Variants in DDX39B observed in about 807,000 individuals in gnomAD.
The protein encoded by DDX39B is spliceosome RNA helicase DDX39B.
Under a neutral mutation model 46.4 loss-of-function variants are expected in DDX39B, and 6 were observed. That is an observed-to-expected ratio of 0.13 (90% CI 0.07 to 0.26). The LOEUF (loss-of-function observed/expected upper bound fraction) is 0.26. DDX39B is among the 10% of genes least tolerant of loss of function. DDX39B has a pLI of 1.00. For synonymous variants in DDX39B, 174 were observed against 199.4 expected, an observed-to-expected ratio of 0.87 and a Z score of 1.07; for missense variants, 185 against 553.4, an observed-to-expected ratio of 0.33 and a Z score of 6.68.
chr6:31,540,235 T>C, intron 2 of DDX39B, 87 bp downstream of exon 2: 1 of 1,433,822 alleles, frequency 7.0e-7, no homozygotes, highest in Non-Finnish European at 9.7e-7. Context: ...TATAAACCCT[T>C]ACCACCACCT....
intron 4 of DDX39B, among the ~76,000 whole-genome samples, chr6:31,537,202 G>C (rs1213632371): frequency 6.6e-6 from 1 of 152,158 alleles, no homozygotes; most frequent in Non-Finnish European, 1.5e-5. Context: ...AAGGAAAGTG[G>C]ATCACTTGAA....
At chr6:31,540,958 T>C (rs184330087) in intron 1 of DDX39B, 227 of 416,230 alleles carry the variant, frequency 5.5e-4, no homozygotes, top group African/African-American at 3.6e-3. Flanking sequence ...AGTGAGGAAA[T>C]AGAATAGATA....
At position 31,530,761 on chromosome 6, in the gene DDX39B, C is replaced by G; in HGVS notation, c.1270+18G>C. On this transcript the variant is annotated intron_variant, in intron 10 of 10. Transcript: ENST00000396172. The surrounding 1 kb of genome is among the most constrained non-coding windows in gnomAD (Gnocchi z 4.5). ...GGAACAGGGAGGACCTAAAGGGTTT[C>G]ATGAGATCAGTACTCACTGTAGGAG... is the stretch of plus-strand genomic sequence containing the variant. 1.2e-6 allele frequency: 2 copies of G among 1,609,042 alleles called. No homozygotes were observed. The highest frequency in any genetic ancestry group is 1.7e-6 in the Non-Finnish European group (2 of 1,179,026).
In DDX39B at chr6:31,534,430, C is replaced by A. The variant is rs1767540612; in HGVS notation, c.735+937G>T. 1 of 468,036 alleles carries A rather than the reference C, an allele frequency of 2.1e-6. No homozygotes were observed. Among genetic ancestry groups the A allele is most frequent in the African/African-American group, 2.0e-5 (1 of 49,826 alleles). The allele number at this position is 468,036 out of a possible 1,614,324, so 29.0% of individuals were successfully genotyped here. A position where few individuals can be genotyped will look rare whatever the true frequency, so the allele number is the denominator to read the frequency against. On this transcript the variant is annotated intron_variant, in intron 6 of 10. Transcript: ENST00000396172. This position sits in a 1 kb window ranked among gnomAD's most constrained non-coding sequence, Gnocchi z 5.1. ...GGAAGAACACACTCCACTGCTTATGCAATTGGCCCCACCTAGCCCCAAACC... is the reference window on the plus strand; with the variant it reads ...GGAAGAACACACTCCACTGCTTATGAAATTGGCCCCACCTAGCCCCAAACC...
At position 31,540,611 on chromosome 6, in the gene DDX39B, T is replaced by C. The variant is rs1418318244; in HGVS notation, c.-79A>G. On this transcript the variant is annotated 5_prime_UTR_variant, in exon 2 of 11. Coordinates refer to ENST00000396172, the MANE Select transcript of DDX39B (RefSeq NM_004640.7). Reference sequence around the variant, plus strand: ...ATAGGTGAAAACAAGGGGTGAAGAGTAGGGGATTGAGGAACAGCAAAGGAA... The same window carrying C: ...ATAGGTGAAAACAAGGGGTGAAGAGCAGGGGATTGAGGAACAGCAAAGGAA... 112 of 1,362,984 alleles carry C rather than the reference T, an allele frequency of 8.2e-5. No individual in the cohort carries two copies. Among genetic ancestry groups the C allele is most frequent in the Non-Finnish European group, 1.1e-4 (111 of 966,802 alleles). 84.4% of individuals were successfully genotyped at this position (1,362,984 alleles called of 1,614,324 possible). A position where few individuals can be genotyped will look rare whatever the true frequency, so the allele number is the denominator to read the frequency against.
At chr6:31,539,300 A>T in intron 2 of DDX39B, 26 bp from the exon 3 acceptor site, 1 of 1,605,312 alleles carries the variant, frequency 6.2e-7, no homozygotes, top group South Asian at 1.1e-5. Context: ...GGAGGAAGAT[A>T]AATTAGACTT....
In DDX39B at chr6:31,535,997, C is replaced by A. The variant is rs953857798; in HGVS notation, c.616+503G>T. Among the ~76,000 whole-genome samples, 2 of 152,184 alleles carry A rather than the reference C, an allele frequency of 1.3e-5. No homozygotes were observed. The highest frequency in any genetic ancestry group is 1.3e-4 in the Admixed American group (2 of 15,276). On this transcript the variant is annotated intron_variant, in intron 5 of 10. Coordinates refer to ENST00000396172, the MANE Select transcript of DDX39B (RefSeq NM_004640.7). The surrounding 1 kb of genome is among the most constrained non-coding windows in gnomAD (Gnocchi z 4.6). The stretch of plus-strand genomic sequence containing the variant: ...TATGTCCAACCCCACTCTCATTCAC[C>A]AAGATTCAATTCTTACAGAAAAATC...
intron 4 of DDX39B, among the ~76,000 whole-genome samples, chr6:31,536,893 G>A (rs1040749101): frequency 6.6e-6 from 1 of 152,186 alleles, no homozygotes; most frequent in African/African-American, 2.4e-5. Context: ...GGAGCAGTCA[G>A]GACAATAATT....
intron 1 of DDX39B, 94 bp from the exon 2 acceptor site, chr6:31,540,758 A>G (rs1261541461): frequency 1.0e-5 from 6 of 579,292 alleles, no homozygotes; most frequent in Non-Finnish European, 1.5e-5. Flanking sequence ...CTAAACCAGG[A>G]AACTTTTACC....
chr6:31,537,756 C>A (rs1767945009), intron 4 of DDX39B, among the ~76,000 whole-genome samples: 1 of 152,094 alleles, frequency 6.6e-6, no homozygotes, highest in Admixed American at 6.6e-5. Flanking sequence ...ATTAATGAGG[C>A]CAGGTGCAGT....
At position 31,535,841 on chromosome 6, in the gene DDX39B, C is replaced by G. The variant is rs1767720001; in HGVS notation, c.617-356G>C. On this transcript the variant is annotated intron_variant, in intron 5 of 10. Coordinates refer to ENST00000396172, the MANE Select transcript of DDX39B (RefSeq NM_004640.7). This position sits in a 1 kb window ranked among gnomAD's most constrained non-coding sequence, Gnocchi z 4.6. ...CAAGCACATATTATATTCCAGATAT[C>G]AGAGTCCATCTATGACTCTCTGGAT... 6.6e-6 allele frequency among the ~76,000 whole-genome samples: 1 copy of G among 152,154 alleles called. No homozygotes were observed. The highest frequency in any genetic ancestry group is 1.5e-5 in the Non-Finnish European group (1 of 68,026).
At chr6:31,533,006 T>TG (rs1235196205) in intron 6 of DDX39B, 95 bp from the exon 7 acceptor site, 1 of 456,452 alleles carries the variant, frequency 2.2e-6, no homozygotes, top group South Asian at 1.7e-5. Context: ...ATACACCCCA[T>TG]GGGGGGATGG....
Position 31,540,672 on chromosome 6 carries a change from G to T in DDX39B, c.-132-8C>A. On this transcript the variant is annotated splice_region_variant and splice_polypyrimidine_tract_variant and intron_variant, in intron 1 of 10. Coordinates refer to ENST00000396172, the MANE Select transcript of DDX39B (RefSeq NM_004640.7). ...CTATTTCTAACAGAAGAGCTGGAGG[G>T]GGGAAAAAAAAAAGCAAGACTTAAT... 1.5e-6 allele frequency: 1 copy of T among 679,446 alleles called. No homozygotes were observed. Among genetic ancestry groups the T allele is most frequent in the Non-Finnish European group, 2.3e-6 (1 of 441,336 alleles). 42.1% of individuals were successfully genotyped at this position (679,446 alleles called of 1,614,324 possible).
Position 31,532,908 on chromosome 6 carries a change from T to C in DDX39B, c.739A>G (p.Met247Val). The C allele has an allele frequency of 1.8e-6, 2 of 1,092,354 alleles. No homozygotes were observed. Among genetic ancestry groups the C allele is most frequent in the Non-Finnish European group, 2.5e-6 (2 of 798,104 alleles). The allele number at this position is 1,092,354 out of a possible 1,614,324, so 67.7% of individuals were successfully genotyped here. The stretch of plus-strand genomic sequence containing the variant: ...GTCTCATCATCCACGAAGATCTCCA[T>C]TGGCTGGGGGGGAGGAAGGGGGTGG... ...PVCRKFMQDP[M>V]EIFVDDETKL... The change falls in exon 7 of 11, where the codon ATG (methionine) becomes GTG (valine). Residue 247 changes from methionine to valine, a missense_variant. By Grantham distance (21) the Met-to-Val change is conservative. Transcript: ENST00000396172.
chr6:31,531,984 CTTTT>C lies in DDX39B; in HGVS notation c.868-583_868-580del, dbSNP rs967874164. ...AGGTGCACACCACCACGCCCAGCTA[CTTTT>C]TTTATTTTTTATTTTTACTATTTGT... On this transcript the variant is annotated intron_variant, in intron 7 of 10. Coordinates refer to ENST00000396172, the MANE Select transcript of DDX39B (RefSeq NM_004640.7). The surrounding 1 kb of genome is among the most constrained non-coding windows in gnomAD (Gnocchi z 5.8). Among the ~76,000 whole-genome samples the C allele has an allele frequency of 2.5e-4, 38 of 152,022 alleles. No homozygotes were observed. Among genetic ancestry groups the C allele is most frequent in the African/African-American group, 7.5e-4 (31 of 41,456 alleles).
chr6:31,537,139 A>G (rs2150338767), intron 4 of DDX39B, among the ~76,000 whole-genome samples: 1 of 152,150 alleles, frequency 6.6e-6, no homozygotes, highest in Middle Eastern at 3.4e-3. Flanking sequence ...ATAAAAATAA[A>G]ATAAAGCCAG....
At chr6:31,533,021 G>C (rs773100050) in intron 6 of DDX39B, 110 bp from the exon 7 acceptor site, 25 of 630,982 alleles carry the variant, frequency 4.0e-5, no homozygotes, top group Non-Finnish European at 6.7e-5. Context: ...GGATGGGGAG[G>C]AAAGAGAAGA....
intron 3 of DDX39B, 119 bp downstream of exon 3, chr6:31,539,028 T>C (rs1472990965): frequency 1.9e-6 from 3 of 1,574,566 alleles, no homozygotes; most frequent in Admixed American, 1.7e-5. Flanking sequence ...TGTCAGGTTG[T>C]CAAGGGTAAC....
At chr6:31,541,170 T>C (rs758286543) in intron 1 of DDX39B, 1 of 533,584 alleles carries the variant, frequency 1.9e-6, no homozygotes, top group Non-Finnish European at 3.8e-6. Flanking sequence ...AAAGAAAACA[T>C]CATATGGCCG....
Sources: allele counts gnomAD v4.1 joint callset (sites outside exome capture counted in the v4.1 genomes callset), GRCh38; gene constraint gnomAD v4.1.1; non-coding constraint Gnocchi (gnomAD v3.1); transcripts MANE v1.5; gene names NCBI Gene and HGNC (gene_info 2026-07-23, HGNC 2026-07-21).